The following ETV3L variants were observed in gnomAD, a reference collection of about 807,000 sequenced individuals.
ETV3L encodes ETS translocation variant 3-like protein.
In ETV3L, 30 loss-of-function variants were observed where a neutral mutation model predicts 27.6. That is an observed-to-expected ratio of 1.09 (90% CI 0.81 to 1.48). ETV3L has a LOEUF of 1.48. Among genes scored for constraint, ETV3L ranks in the 40% most tolerant of loss-of-function variants. The probability of loss-of-function intolerance (pLI) is 0.00; values close to 1 mark genes in which losing one functional copy is unlikely to be tolerated. For synonymous variants in ETV3L, 186 were observed against 188.9 expected, an observed-to-expected ratio of 0.98 and a Z score of 0.12; for missense variants, 443 against 455.6, an observed-to-expected ratio of 0.97 and a Z score of 0.25.
intron 4 of ETV3L, 104 bp downstream of exon 4, chr1:157,097,764 A>G: frequency 2.9e-6 from 4 of 1,385,466 alleles, no homozygotes; most frequent in Admixed American, 1.9e-5. Context: ...AATGAGTTAC[A>G]TAGTATCCCT....
intron 2 of ETV3L, 27 bp from the exon 3 acceptor site, chr1:157,098,922 G>A (rs1387730980): frequency 6.3e-7 from 1 of 1,592,804 alleles, no homozygotes; most frequent in East Asian, 2.2e-5. Context: ...TGAGAATAGA[G>A]TTGGCCCAGC....
chr1:157,092,805 C>T lies in ETV3L; in HGVS notation c.930G>A (p.Leu310=), dbSNP rs779139908. 1.9e-6 allele frequency: 3 copies of T among 1,614,078 alleles called. No homozygotes were observed. Among genetic ancestry groups the T allele is most frequent in the Non-Finnish European group, 2.5e-6 (3 of 1,180,036 alleles). ...LWLLSLRPEG[L]EVKPAPMMEA... Reference sequence around the variant, plus strand: ...CCATCATGGGAGCAGGCTTTACTTCCAGCCCCTCGGGCCTGAGGGACAAGA... The same window carrying T: ...CCATCATGGGAGCAGGCTTTACTTCTAGCCCCTCGGGCCTGAGGGACAAGA... Residue 310 remains leucine, a synonymous_variant, in exon 5 of 5, where the codon CTG becomes CTA. Coordinates refer to ENST00000454449, the MANE Select transcript of ETV3L (RefSeq NM_001004341.2).
chr1:157,097,341 T>C (rs750717124), intron 4 of ETV3L, among the ~76,000 whole-genome samples: 4 of 150,890 alleles, frequency 2.7e-5, no homozygotes, highest in Non-Finnish European at 5.9e-5. Flanking sequence ...GGCGTGGTGG[T>C]GCATGTCTGT....
chr1:157,097,095 C>T (rs748543712), intron 4 of ETV3L, among the ~76,000 whole-genome samples: 5 of 151,986 alleles, frequency 3.3e-5, no homozygotes, highest in African/African-American at 4.8e-5. Flanking sequence ...TTGTTCCCAC[C>T]GCATCGCAAG....
intron 4 of ETV3L, 31 bp downstream of exon 4, chr1:157,097,837 C>T (rs1362878238): frequency 2.5e-6 from 4 of 1,611,172 alleles, no homozygotes; most frequent in East Asian, 2.2e-5. Flanking sequence ...GGCTAAGATC[C>T]CCCTGGGCCC....
intron 3 of ETV3L, 152 bp downstream of exon 3, chr1:157,098,554 C>T (rs886843705): frequency 1.4e-5 from 10 of 715,792 alleles, no homozygotes; most frequent in Non-Finnish European, 2.2e-5. Context: ...TGTTAATACC[C>T]CTGCCTCTGG....
chr1:157,099,414 C>T, intron 1 of ETV3L, 36 bp from the exon 2 acceptor site: 3 of 1,614,004 alleles, frequency 1.9e-6, no homozygotes, highest in Non-Finnish European at 2.5e-6. Flanking sequence ...CTCTGGAGGC[C>T]CTGCCCTAGG....
chr1:157,093,339 C>T (rs931250116), intron 4 of ETV3L, among the ~76,000 whole-genome samples: 1 of 152,054 alleles, frequency 6.6e-6, no homozygotes, highest in Non-Finnish European at 1.5e-5. Context: ...TGGGTTCAAA[C>T]GATCCTCCCA....
At chr1:157,093,904 C>T (rs917778740) in intron 4 of ETV3L, among the ~76,000 whole-genome samples, 4 of 152,226 alleles carry the variant, frequency 2.6e-5, no homozygotes, top group African/African-American at 9.6e-5. Flanking sequence ...CCTCCATGAA[C>T]CTCTCCTCCA....
intron 3 of ETV3L, 110 bp from the exon 4 acceptor site, chr1:157,098,098 C>A: frequency 7.6e-7 from 1 of 1,322,022 alleles, no homozygotes; most frequent in East Asian, 2.8e-5. Flanking sequence ...TACTCTCATA[C>A]CGATTTTTTT....
chr1:157,093,184 T>C, intron 4 of ETV3L, 57 bp from the exon 5 acceptor site: 1 of 1,216,648 alleles, frequency 8.2e-7, no homozygotes, highest in Non-Finnish European at 1.1e-6. Context: ...AGATGCTCCT[T>C]GCTCCTCCCA....
At position 157,097,707 on chromosome 1, in the gene ETV3L, G is replaced by A. The variant is rs190593494; in HGVS notation, c.607+161C>T. Among the ~76,000 whole-genome samples the A allele has an allele frequency of 9.8e-4, 149 of 152,208 alleles. 1 individual carries two copies. Among genetic ancestry groups the A allele is most frequent in the Middle Eastern group, 3.4e-3 (1 of 294 alleles). ...TTGAGCCTTTCATCTCTGAACCCCC[G>A]CACTTAGTAAATAGCTGGTGTTCAA... On this transcript the variant is annotated intron_variant, in intron 4 of 4. Coordinates refer to ENST00000454449, the MANE Select transcript of ETV3L (RefSeq NM_001004341.2).
At chr1:157,098,101 AT>A (rs370474629) in intron 3 of ETV3L, 113 bp from the exon 4 acceptor site, 120,530 of 948,516 alleles carry the variant, frequency 0.13, 2 homozygotes, top group South Asian at 0.17. Flanking sequence ...TCTCATACCG[AT>A]TTTTTTTTTT....
chr1:157,092,487 C>G lies in ETV3L; in HGVS notation c.*162G>C. 1.6e-6 allele frequency: 1 copy of G among 624,752 alleles called. No individual in the cohort carries two copies. The highest frequency in any genetic ancestry group is 2.8e-6 in the Non-Finnish European group (1 of 362,160). The allele number at this position is 624,752 out of a possible 1,614,324, so 38.7% of individuals were successfully genotyped here. Reference sequence around the variant, plus strand: ...GGTTTTTCCCATTTCCACATTCACACCTTCCCTGCAATGCTCCCCACCTTG... The same window carrying G: ...GGTTTTTCCCATTTCCACATTCACAGCTTCCCTGCAATGCTCCCCACCTTG... On this transcript the variant is annotated 3_prime_UTR_variant, in exon 5 of 5. Transcript: ENST00000454449.
intron 3 of ETV3L, 22 bp from the exon 4 acceptor site, chr1:157,098,010 C>A (rs373903856): frequency 6.3e-7 from 1 of 1,582,460 alleles, no homozygotes; most frequent in South Asian, 1.2e-5. Flanking sequence ...GAAGTAGGTG[C>A]GAGGTGTGAT....
chr1:157,096,686 C>T (rs963150792), intron 4 of ETV3L, among the ~76,000 whole-genome samples: 6 of 152,106 alleles, frequency 3.9e-5, no homozygotes, highest in South Asian at 2.1e-4. Context: ...TTTGGAAGGC[C>T]GAGGCAGGCG....
rs1395781942 is a variant in ETV3L at position 157,096,658 on chromosome 1, C to T, written c.607+1210G>A. ...AAGTCTGGCAGGGCGCGGTGGCTCA[C>T]GCCTGTAATCCCAGCACTTTGGAAG... On this transcript the variant is annotated intron_variant, in intron 4 of 4. Coordinates refer to ENST00000454449, the MANE Select transcript of ETV3L (RefSeq NM_001004341.2). 5.3e-5 allele frequency among the ~76,000 whole-genome samples: 8 copies of T among 152,350 alleles called. No individual in the cohort carries two copies. The East Asian group carries it at 7.7e-4, about 15-fold the overall frequency.
chr1:157,099,659 G>A lies in ETV3L; in HGVS notation c.-136C>T. 1.4e-6 allele frequency: 1 copy of A among 725,744 alleles called. No homozygotes were observed. Among genetic ancestry groups the A allele is most frequent in the Non-Finnish European group, 2.3e-6 (1 of 429,668 alleles). 45.0% of individuals were successfully genotyped at this position (725,744 alleles called of 1,614,324 possible). On this transcript the variant is annotated 5_prime_UTR_variant, in exon 1 of 5. Transcript: ENST00000454449. ...TGGAGGGAAAGAAGGAAGGAAGGGA[G>A]AGGGTCAGGAAAGAAAGAGAGAAAA...
chr1:157,099,442 G>T (rs375452315), intron 1 of ETV3L, 24 bp downstream of exon 1: 4 of 1,614,006 alleles, frequency 2.5e-6, no homozygotes, highest in Non-Finnish European at 3.4e-6. Context: ...TGGAGCAGGG[G>T]GTAGGCCCGG....
Sources: gnomAD v4.1 joint callset for allele counts (sites outside exome capture counted in the v4.1 genomes callset) on GRCh38, gnomAD v4.1.1 for gene constraint, MANE v1.5 for transcripts, NCBI Gene and HGNC (gene_info 2026-07-23, HGNC 2026-07-21) for gene names.